The following R3HDM2 variants were observed in gnomAD, a reference collection of about 807,000 sequenced individuals.
R3HDM2 encodes the protein R3H domain-containing protein 2.
Under a neutral mutation model 124.5 loss-of-function variants are expected in R3HDM2, and 38 were observed. That is an observed-to-expected ratio of 0.31 (90% CI 0.24 to 0.40). R3HDM2 has a LOEUF of 0.40. R3HDM2 is among the 10% of genes least tolerant of loss of function. R3HDM2 has a pLI of 1.00. For missense variants in R3HDM2, 869 were observed against 1,236.9 expected, an observed-to-expected ratio of 0.70 and a Z score of 4.46; for synonymous variants, 391 against 448.0, an observed-to-expected ratio of 0.87 and a Z score of 1.61.
chr12:57,300,098 G>T lies in R3HDM2; in HGVS notation c.291C>A (p.Thr97=). The change falls in exon 5 of 24, where the codon ACC becomes ACA. Residue 97 remains threonine, a synonymous_variant. Transcript: ENST00000402412. ...CTTACTCCTGCAAATGACCTACCTG[G>T]GTTTCTAATGGCCCATCAGCAAATG... ...STPFADGPLE[T]QDIIQLHISC... The T allele has an allele frequency of 4.5e-6, 7 of 1,550,604 alleles. No individual in the cohort carries two copies. The highest frequency in any genetic ancestry group is 6.1e-6 in the Non-Finnish European group (7 of 1,146,096).
intron 2 of R3HDM2, among the ~76,000 whole-genome samples, chr12:57,391,069 G>A (rs2066612490): frequency 6.6e-6 from 1 of 150,388 alleles, no homozygotes; most frequent in Non-Finnish European, 1.5e-5. Flanking sequence ...CATACCCCCA[G>A]CAATTAGACT....
At chr12:57,378,030 C>T (rs867452106) in intron 2 of R3HDM2, among the ~76,000 whole-genome samples, 12 of 152,082 alleles carry the variant, frequency 7.9e-5, no homozygotes, top group African/African-American at 7.2e-5. Context: ...ACCCAGGAGG[C>T]GGAGGTTAAA....
At chr12:57,291,650 T>TAGGTTTTTAG in intron 11 of R3HDM2, among the ~76,000 whole-genome samples, 1 of 142,998 alleles carries the variant, frequency 7.0e-6, no homozygotes, top group Admixed American at 7.0e-5. Context: ...CGAAACCCTA[T>TAGGTTTTTAG]CTAAAAAAAA....
At chr12:57,418,391 C>A in intron 1 of R3HDM2, 7 of 965,528 alleles carry the variant, frequency 7.2e-6, no homozygotes, top group Non-Finnish European at 8.6e-6. Flanking sequence ...ATATTCCCAA[C>A]GGTGGTTGCG....
At position 57,283,944 on chromosome 12, in the gene R3HDM2, C is replaced by G. The variant is rs1266000406; in HGVS notation, c.1051G>C (p.Val351Leu). The G allele has an allele frequency of 6.2e-7, 1 of 1,614,124 alleles. No homozygotes were observed. Among genetic ancestry groups the G allele is most frequent in the Non-Finnish European group, 8.5e-7 (1 of 1,180,014 alleles). ...GTGACAGGGGGTCGCATGCTCCGGACAGAGCCATCAGAGTCTGTGCTGCTC... is the reference window on the plus strand; with the variant it reads ...GTGACAGGGGGTCGCATGCTCCGGAGAGAGCCATCAGAGTCTGTGCTGCTC... ...PWSSTDSDGS[V>L]RSMRPPVTKA... Residue 351 changes from valine (V) to leucine (L), a missense_variant, in exon 13 of 24, where the codon GTC becomes CTC. Around this residue, in one of 2 missense-constraint regions of R3HDM2, gnomAD observed 267 missense variants for 447.7 expected, o/e 0.60. Coordinates refer to ENST00000402412, the MANE Select transcript of R3HDM2 (RefSeq NM_001394031.1).
At chr12:57,382,255 T>C in intron 2 of R3HDM2, among the ~76,000 whole-genome samples, 1 of 151,180 alleles carries the variant, frequency 6.6e-6, no homozygotes, top group Non-Finnish European at 1.5e-5. Context: ...CCTGGGACTA[T>C]AAGCACACAC....
In R3HDM2 at chr12:57,348,421, C is replaced by T. The variant is rs115584563; in HGVS notation, c.-35-37958G>A. 2.1e-3 allele frequency among the ~76,000 whole-genome samples: 313 copies of T among 151,804 alleles called. 1 individual carries two copies. Among genetic ancestry groups the T allele is most frequent in the African/African-American group, 7.3e-3 (302 of 41,384 alleles). On this transcript the variant is annotated intron_variant, in intron 2 of 23. Coordinates refer to ENST00000402412, the MANE Select transcript of R3HDM2 (RefSeq NM_001394031.1). Reference sequence around the variant, plus strand: ...TCTCTACGAAAAATAGGGCTGGGCACGGTGACTCACGCCTGTAAACCCAGC... The same window carrying T: ...TCTCTACGAAAAATAGGGCTGGGCATGGTGACTCACGCCTGTAAACCCAGC...
chr12:57,269,516 A>G (rs1024699959), intron 15 of R3HDM2, 67 bp from the exon 16 acceptor site: 2 of 1,574,458 alleles, frequency 1.3e-6, no homozygotes. Flanking sequence ...GCATACTACT[A>G]TAAATGCCTC....
intron 1 of R3HDM2, among the ~76,000 whole-genome samples, chr12:57,427,767 G>A (rs552285478): frequency 2.0e-5 from 3 of 152,168 alleles, no homozygotes; most frequent in South Asian, 2.1e-4. Flanking sequence ...GTATGCAGGA[G>A]GGGCTTTGCC....
At chr12:57,395,235 G>A (rs989318520) in intron 2 of R3HDM2, among the ~76,000 whole-genome samples, 1 of 151,906 alleles carries the variant, frequency 6.6e-6, no homozygotes, top group Non-Finnish European at 1.5e-5. Context: ...AGCCGGGCAC[G>A]GTGGCTCACG....
chr12:57,264,132 C>T (rs536065076), intron 19 of R3HDM2, among the ~76,000 whole-genome samples: 2 of 151,366 alleles, frequency 1.3e-5, no homozygotes, highest in South Asian at 2.1e-4. Flanking sequence ...ATCCCAGCTA[C>T]TTGGGAGGCT....
intron 1 of R3HDM2, among the ~76,000 whole-genome samples, chr12:57,412,219 T>C (rs1051819173): frequency 3.3e-5 from 5 of 152,304 alleles, no homozygotes; most frequent in Non-Finnish European, 7.3e-5. Context: ...AAAATATATA[T>C]GCAGATGAAT....
chr12:57,427,008 T>C (rs1042587050), intron 1 of R3HDM2, among the ~76,000 whole-genome samples: 1 of 152,156 alleles, frequency 6.6e-6, no homozygotes, highest in African/African-American at 2.4e-5. Flanking sequence ...AAAACAAAAA[T>C]GTGGCTGGGC....
intron 2 of R3HDM2, among the ~76,000 whole-genome samples, chr12:57,374,317 C>CA (rs201730269): frequency 0.046 from 7,004 of 150,942 alleles, 214 homozygotes; most frequent in Middle Eastern, 0.089. Flanking sequence ...GAGACCATCT[C>CA]AAAAAAAAGT....
rs572481749 is a variant in R3HDM2 at position 57,355,223 on chromosome 12, C to T, written c.-36+40526G>A. On this transcript the variant is annotated intron_variant, in intron 2 of 23. Transcript: ENST00000402412. ...CTGTAATCCCAGCACTTTGGGAGGC[C>T]GAGGCGGGCGGATCACGAGGTCAGG... 7.9e-5 allele frequency among the ~76,000 whole-genome samples: 12 copies of T among 151,118 alleles called. No individual in the cohort carries two copies. The East Asian group carries it at 2.0e-3, about 25-fold the overall frequency.
intron 2 of R3HDM2, among the ~76,000 whole-genome samples, chr12:57,311,603 A>C (rs964401734): frequency 6.6e-6 from 1 of 151,898 alleles, no homozygotes; most frequent in Non-Finnish European, 1.5e-5. Context: ...GAACTCCTGG[A>C]CTTAAGTGAT....
chr12:57,272,418 A>G (rs1322201562), intron 14 of R3HDM2: 27 of 1,506,726 alleles, frequency 1.8e-5, no homozygotes, highest in Non-Finnish European at 2.4e-5. Context: ...CAGGCCACAC[A>G]TGAACAAGAC....
intron 2 of R3HDM2, among the ~76,000 whole-genome samples, chr12:57,365,017 C>T (rs1224332622): frequency 4.1e-5 from 6 of 146,926 alleles, no homozygotes; most frequent in Admixed American, 6.9e-5. Flanking sequence ...AATCCCAGCA[C>T]TTCGGGAGGC....
intron 2 of R3HDM2, among the ~76,000 whole-genome samples, chr12:57,332,684 T>A (rs1696437139): frequency 6.6e-6 from 1 of 152,302 alleles, no homozygotes; most frequent in East Asian, 1.9e-4. Flanking sequence ...AACGTGATAC[T>A]TTTTTCCTCC....
Sources: gnomAD v4.1 joint callset for allele counts (sites outside exome capture counted in the v4.1 genomes callset) on GRCh38, gnomAD v4.1.1 for gene constraint, gnomAD v4.1.1 regional missense constraint, MANE v1.5 for transcripts, NCBI Gene and HGNC (gene_info 2026-07-23, HGNC 2026-07-21) for gene names.